Variants in C12orf42 observed in about 807,000 individuals in gnomAD.
C12orf42 encodes uncharacterized protein C12orf42.
In C12orf42, 25 loss-of-function variants were observed where a neutral mutation model predicts 21.6. The ratio of observed to expected loss-of-function variants is 1.16; its 90% CI spans 0.84 to 1.62. The LOEUF (loss-of-function observed/expected upper bound fraction) is 1.62, where lower values mean the gene tolerates loss of function less well. Among genes scored for constraint, C12orf42 ranks in the 40% most tolerant of loss-of-function variants. The pLI is 0.00. For missense variants in C12orf42, 483 were observed against 459.3 expected, an observed-to-expected ratio of 1.05 and a Z score of -0.47; for synonymous variants, 174 against 175.0, an observed-to-expected ratio of 0.99 and a Z score of 0.05.
intron 4 of C12orf42, among the ~76,000 whole-genome samples, chr12:103,292,198 T>C (rs555954168): frequency 3.9e-5 from 6 of 152,164 alleles, no homozygotes; most frequent in Admixed American, 3.9e-4. Context: ...TTCATTCATA[T>C]TAAATGTCCA....
At chr12:103,317,405 A>G (rs891028784) in intron 4 of C12orf42, among the ~76,000 whole-genome samples, 18 of 152,324 alleles carry the variant, frequency 1.2e-4, no homozygotes, top group African/African-American at 4.1e-4. Context: ...CCTCTTCCCC[A>G]TGACATCATC....
chr12:103,540,427 TG>T, the C12orf42 span, among the ~76,000 whole-genome samples: 1,719 of 152,332 alleles, frequency 0.011, 33 homozygotes, highest in African/African-American at 0.039. Context: ...ATTGTAGATT[TG>T]TCATTTTCTC....
At chr12:103,085,713 C>T in the C12orf42 span, among the ~76,000 whole-genome samples, 1 of 152,128 alleles carries the variant, frequency 6.6e-6, no homozygotes, top group Non-Finnish European at 1.5e-5. Flanking sequence ...TACTATGTGG[C>T]TGAAAGTAGT....
At chr12:103,237,031 C>G (rs1368425543), downstream of C12orf42, among the ~76,000 whole-genome samples, 2 of 152,286 alleles carry the variant, frequency 1.3e-5, no homozygotes, top group Non-Finnish European at 2.9e-5. Context: ...TTCAAGGAAG[C>G]ACTATACTTT....
At chr12:103,530,577 G>A in the C12orf42 span, among the ~76,000 whole-genome samples, 4 of 152,178 alleles carry the variant, frequency 2.6e-5, no homozygotes, top group East Asian at 3.9e-4. Flanking sequence ...TAAATACCCA[G>A]CATGCTTCTG....
chr12:103,148,725 A>G, the C12orf42 span, among the ~76,000 whole-genome samples: 3 of 152,188 alleles, frequency 2.0e-5, no homozygotes, highest in African/African-American at 7.2e-5. Flanking sequence ...TAACACATTT[A>G]AACACCTAAC....
At chr12:103,560,169 T>C in the C12orf42 span, among the ~76,000 whole-genome samples, 1 of 152,220 alleles carries the variant, frequency 6.6e-6, no homozygotes. Context: ...CCCCATTTTA[T>C]AGATGGGAAA....
the C12orf42 span, among the ~76,000 whole-genome samples, chr12:103,545,129 T>C: frequency 6.6e-6 from 1 of 152,208 alleles, no homozygotes; most frequent in African/African-American, 2.4e-5. Flanking sequence ...AGCTCATTAG[T>C]ACATCTTAGG....
chr12:103,201,714 T>G, the C12orf42 span, among the ~76,000 whole-genome samples: 28 of 152,284 alleles, frequency 1.8e-4, no homozygotes, highest in African/African-American at 6.5e-4. Flanking sequence ...CTTCTCATCT[T>G]CAAGCCTCTC....
At chr12:103,401,819 C>A in intron 2 of C12orf42, 144 bp from the exon 3 acceptor site, 1 of 746,850 alleles carries the variant, frequency 1.3e-6, no homozygotes, top group Non-Finnish European at 2.2e-6. Context: ...CCGATATTGC[C>A]CACAACACTG....
At chr12:103,380,464 A>AAT (rs1325576093) in intron 3 of C12orf42, among the ~76,000 whole-genome samples, 2 of 152,198 alleles carry the variant, frequency 1.3e-5, no homozygotes, top group African/African-American at 4.8e-5. Context: ...CTCATTGCTG[A>AAT]ATACAAGTAA....
chr12:103,452,473 T>C (rs564029539), intron 2 of C12orf42, among the ~76,000 whole-genome samples: 1 of 152,094 alleles, frequency 6.6e-6, no homozygotes, highest in Non-Finnish European at 1.5e-5. Flanking sequence ...ATGGCATAGA[T>C]TTAGGAAGGA....
the C12orf42 span, among the ~76,000 whole-genome samples, chr12:103,174,943 T>A: frequency 3.9e-5 from 6 of 152,202 alleles, no homozygotes; most frequent in Non-Finnish European, 7.3e-5. Flanking sequence ...GTAAATTGTA[T>A]TATGATTTGC....
At chr12:103,059,923 G>A in the C12orf42 span, among the ~76,000 whole-genome samples, 1 of 152,182 alleles carries the variant, frequency 6.6e-6, no homozygotes, top group African/African-American at 2.4e-5. Flanking sequence ...ACCGGCACAA[G>A]ACAACGATGC....
chr12:103,425,920 C>G (rs1028829656), intron 2 of C12orf42, among the ~76,000 whole-genome samples: 1 of 150,508 alleles, frequency 6.6e-6, no homozygotes, highest in Non-Finnish European at 1.5e-5. Context: ...AATCCACCAA[C>G]TCAAAAAAGG....
the C12orf42 span, among the ~76,000 whole-genome samples, chr12:103,507,134 AT>A: frequency 1.1e-4 from 2 of 18,260 alleles, no homozygotes; most frequent in Non-Finnish European, 1.5e-4. Flanking sequence ...TATAATATAT[AT>A]TATATATATA....
At chr12:103,429,993 A>G (rs12296800) in intron 2 of C12orf42, among the ~76,000 whole-genome samples, 29,187 of 152,150 alleles carry the variant, frequency 0.19, 3,361 homozygotes, top group East Asian at 0.35. Flanking sequence ...ACACTTAAAC[A>G]TAAGACCTAA....
At chr12:103,274,664 C>A (rs2035660240) in intron 5 of C12orf42, among the ~76,000 whole-genome samples, 1 of 152,098 alleles carries the variant, frequency 6.6e-6, no homozygotes, top group Non-Finnish European at 1.5e-5. Context: ...TGTGTGTATG[C>A]ATGCACATGA....
the C12orf42 span, among the ~76,000 whole-genome samples, chr12:103,210,645 T>C: frequency 4.9e-4 from 72 of 148,296 alleles, 1 homozygote; most frequent in Non-Finnish European, 7.9e-4. Context: ...ATTTCTTTTT[T>C]TTTTTTTTTT....
Sources: allele counts gnomAD v4.1 joint callset (sites outside exome capture counted in the v4.1 genomes callset), GRCh38; gene constraint gnomAD v4.1.1; transcripts MANE v1.5; gene names NCBI Gene and HGNC (gene_info 2026-07-23, HGNC 2026-07-21).